Variants in DNAJC7 observed in about 807,000 individuals in gnomAD.
The protein encoded by DNAJC7 is DnaJ heat shock protein family (Hsp40) member C7.
A neutral mutation model predicts 67.4 loss-of-function variants in DNAJC7; 18 were observed. The ratio of observed to expected loss-of-function variants is 0.27; its 90% CI spans 0.18 to 0.40. The LOEUF (loss-of-function observed/expected upper bound fraction) is 0.40. Ranked by LOEUF, DNAJC7 falls within the 10% of genes least tolerant of loss-of-function variation. The pLI is 1.00. For missense variants in DNAJC7, 419 were observed against 613.8 expected (o/e 0.68, Z 3.35); for synonymous variants, 220 against 207.8 (o/e 1.06, Z -0.50).
chr17:41,985,227 T>G (rs571724001), intron 9 of DNAJC7: 10 of 152,282 alleles, frequency 6.6e-5, no homozygotes, highest in Admixed American at 2.6e-4. Flanking sequence ...CCCAACATCT[T>G]GGGCATCTTT....
rs549461322 is a variant in DNAJC7 at position 41,977,411 on chromosome 17, C to A, written c.1385-88G>T. The A allele has an allele frequency of 7.3e-6, 9 of 1,236,634 alleles. No homozygotes were observed. The South Asian group carries it at 1.2e-4, about 17-fold the overall frequency. 76.6% of individuals were successfully genotyped at this position (1,236,634 alleles called of 1,614,324 possible). ...AGAACTGATGACACTGAGAACAGAT[C>A]TCCAAAGCTTTCCTGGAGAGTCTCA... On this transcript the variant is annotated intron_variant, in intron 12 of 13. Transcript: ENST00000457167.
intron 1 of DNAJC7, chr17:42,013,412 C>A (rs1220933377): frequency 2.0e-5 from 3 of 152,218 alleles, no homozygotes; most frequent in East Asian, 1.9e-4. Context: ...TCTCATTTTG[C>A]CCCCCTATGG....
At chr17:41,987,758 A>G in intron 9 of DNAJC7, 61 bp downstream of exon 9, 2 of 1,432,120 alleles carry the variant, frequency 1.4e-6, no homozygotes, top group Non-Finnish European at 9.6e-7. Context: ...GTCATCCACA[A>G]GGCAATTCCC....
At chr17:42,001,643 A>G (rs1205699591) in intron 1 of DNAJC7, among the ~76,000 whole-genome samples, 8 of 152,206 alleles carry the variant, frequency 5.3e-5, no homozygotes, top group Non-Finnish European at 7.3e-5. Flanking sequence ...GTTCACATGC[A>G]AAAAAGAACC....
At chr17:41,982,914 C>T (rs1195312162) in intron 10 of DNAJC7, among the ~76,000 whole-genome samples, 1 of 150,752 alleles carries the variant, frequency 6.6e-6, no homozygotes, top group Non-Finnish European at 1.5e-5. Context: ...GAGCTATGAT[C>T]ATGCCATTGC....
At chr17:42,004,144 G>A (rs191041258) in intron 1 of DNAJC7, among the ~76,000 whole-genome samples, 5 of 151,840 alleles carry the variant, frequency 3.3e-5, no homozygotes, top group South Asian at 2.1e-4. Flanking sequence ...TAGTAGAGAC[G>A]GGGTTTCATC....
chr17:41,977,115 A>G (rs1253477030), intron 13 of DNAJC7, 146 bp downstream of exon 13: 1 of 846,090 alleles, frequency 1.2e-6, no homozygotes, highest in Non-Finnish European at 1.8e-6. Context: ...CATCCTTAGC[A>G]ACAGCCGAGT....
chr17:41,978,686 C>T (rs544094968), intron 12 of DNAJC7, among the ~76,000 whole-genome samples: 96 of 152,012 alleles, frequency 6.3e-4, no homozygotes, highest in African/African-American at 2.1e-3. Flanking sequence ...AGTGAAACCC[C>T]GTCTCTACTA....
rs781958228 is a variant in DNAJC7, at chr17:41,983,584, A to G, written c.1063T>C (p.Tyr355His). The change falls in exon 10 of 14, where the codon TAC becomes CAC. Residue 355 changes from tyrosine to histidine, a missense_variant. Tyr to His is a moderately conservative substitution (Grantham distance 83). Around this residue, in one of 4 missense-constraint regions of DNAJC7, gnomAD observed 161 missense variants for 252.2 expected, o/e 0.64. Coordinates refer to ENST00000457167, the MANE Select transcript of DNAJC7 (RefSeq NM_003315.4). ...TTACCTTTTGTTTTCTCTGTCTGGT[A>G]TACTTTTTCATAGTCTCGTACTGCT... ...EEAVRDYEKV[Y>H]QTEKTKEHKQ... The G allele has an allele frequency of 1.3e-6, 2 of 1,597,196 alleles. No homozygotes were observed. The highest frequency in any genetic ancestry group is 1.7e-6 in the Non-Finnish European group (2 of 1,170,686).
chr17:41,983,101 A>G (rs2051291347), intron 10 of DNAJC7, among the ~76,000 whole-genome samples: 2 of 151,920 alleles, frequency 1.3e-5, no homozygotes, highest in African/African-American at 4.8e-5. Context: ...CCAACCCAAG[A>G]TATCTGTTCA....
At chr17:41,977,693 G>A in intron 12 of DNAJC7, 1 of 171,892 alleles carries the variant, frequency 5.8e-6, no homozygotes, top group Non-Finnish European at 1.2e-5. Context: ...AGGATAAAAT[G>A]TATCACTTAA....
At chr17:41,994,038 T>A (rs113399354) in intron 5 of DNAJC7, among the ~76,000 whole-genome samples, 19 of 95,374 alleles carry the variant, frequency 2.0e-4, no homozygotes, top group African/African-American at 7.1e-4. Flanking sequence ...AGCCAAACTC[T>A]CTCTCAAAAA....
At chr17:42,002,424 C>T (rs1253598554) in intron 1 of DNAJC7, among the ~76,000 whole-genome samples, 1 of 152,136 alleles carries the variant, frequency 6.6e-6, no homozygotes, top group Non-Finnish European at 1.5e-5. Context: ...TGAAAGGTGC[C>T]CCTAGTCTCC....
intron 2 of DNAJC7, 143 bp from the exon 3 acceptor site, chr17:41,997,382 G>T: frequency 1.1e-6 from 1 of 884,182 alleles, no homozygotes; most frequent in Non-Finnish European, 1.6e-6. Context: ...GAGGTCAGGA[G>T]TTCAAGACCA....
intron 9 of DNAJC7, chr17:41,985,822 A>C (rs2051359712): frequency 6.6e-6 from 1 of 152,184 alleles, no homozygotes; most frequent in African/African-American, 2.4e-5. Flanking sequence ...GATTGTTGCC[A>C]AATATTCAGC....
At chr17:42,006,454 C>T (rs2051959098) in intron 1 of DNAJC7, among the ~76,000 whole-genome samples, 1 of 151,856 alleles carries the variant, frequency 6.6e-6, no homozygotes, top group East Asian at 1.9e-4. Context: ...GAGGCTGCAG[C>T]AAACCATGTT....
At chr17:41,981,007 C>A (rs2051235237) in intron 12 of DNAJC7, among the ~76,000 whole-genome samples, 1 of 152,004 alleles carries the variant, frequency 6.6e-6, no homozygotes, top group South Asian at 2.1e-4. Context: ...TAGACCAAGC[C>A]CCCTGCAGAT....
chr17:41,983,296 G>T (rs2051297235), intron 10 of DNAJC7, among the ~76,000 whole-genome samples: 1 of 152,018 alleles, frequency 6.6e-6, no homozygotes, highest in African/African-American at 2.4e-5. Flanking sequence ...ACAATTTTTT[G>T]TATTTTCAGT....
At position 41,976,493 on chromosome 17, in the gene DNAJC7, G is replaced by T; in HGVS notation, c.*240C>A. The T allele has an allele frequency of 2.0e-6, 1 of 504,938 alleles. No individual in the cohort carries two copies. The highest frequency in any genetic ancestry group is 3.4e-6 in the Non-Finnish European group (1 of 291,494). The allele number at this position is 504,938 out of a possible 1,614,324, so 31.3% of individuals were successfully genotyped here. On this transcript the variant is annotated 3_prime_UTR_variant, in exon 14 of 14. Transcript: ENST00000457167. ...TTTTCTTTTTTAATAAAGTTAAACAGTAAAACAAAAATTCACAAGCTGCCT... is the reference window on the plus strand; with the variant it reads ...TTTTCTTTTTTAATAAAGTTAAACATTAAAACAAAAATTCACAAGCTGCCT...
Sources: allele counts gnomAD v4.1 joint callset (sites outside exome capture counted in the v4.1 genomes callset), GRCh38; gene constraint gnomAD v4.1.1; regional missense constraint gnomAD v4.1.1; transcripts MANE v1.5; gene names NCBI Gene and HGNC (gene_info 2026-07-23, HGNC 2026-07-21).